Variants in GOLGA4 observed in about 807,000 individuals in gnomAD.
GOLGA4 encodes the protein golgin A4, also known as golgin subfamily A member 4.
Under a neutral mutation model 265.9 loss-of-function variants are expected in GOLGA4, and 169 were observed. The observed-to-expected ratio is 0.64, with a 90% CI of 0.56 to 0.72. The LOEUF (loss-of-function observed/expected upper bound fraction) is 0.72, where lower values mean the gene tolerates loss of function less well. GOLGA4 is among the 30% of genes least tolerant of loss of function. GOLGA4 has a pLI of 0.00. For synonymous variants in GOLGA4, 923 were observed against 855.8 expected, an observed-to-expected ratio of 1.08 and a Z score of -1.37; for missense variants, 2,482 against 2,483.4, an observed-to-expected ratio of 1.00 and a Z score of 0.01.
chr3:37,334,579 A>G (rs2097003229), intron 16 of GOLGA4, among the ~76,000 whole-genome samples: 1 of 152,230 alleles, frequency 6.6e-6, no homozygotes, highest in Admixed American at 6.5e-5. Context: ...AGTGCTCTGT[A>G]TAAAAATACC....
intron 22 of GOLGA4, among the ~76,000 whole-genome samples, chr3:37,357,109 G>A (rs1187095925): frequency 5.3e-5 from 8 of 152,036 alleles, no homozygotes; most frequent in Non-Finnish European, 8.8e-5. Flanking sequence ...TAAAAAAAAA[G>A]AGTCTTTGAA....
chr3:37,266,651 C>T (rs1376410889), intron 2 of GOLGA4, among the ~76,000 whole-genome samples: 2 of 152,080 alleles, frequency 1.3e-5, no homozygotes, highest in African/African-American at 4.8e-5. Flanking sequence ...ATCTCCATTC[C>T]TGATATTTTC....
chr3:37,255,653 A>G lies in GOLGA4; in HGVS notation c.162+4169A>G, dbSNP rs184726181. Among the ~76,000 whole-genome samples the G allele has an allele frequency of 1.1e-3, 170 of 152,280 alleles. 1 individual carries two copies. Among genetic ancestry groups the G allele is most frequent in the African/African-American group, 4.0e-3 (165 of 41,556 alleles). ...ACTTAATGAAACCATTCTACCACCT[A>G]AGCATTCCAGATACGTAGACTTTAC... On this transcript the variant is annotated intron_variant, in intron 2 of 23. Transcript: ENST00000361924.
chr3:37,268,242 C>T (rs1346545972), intron 2 of GOLGA4, among the ~76,000 whole-genome samples: 1 of 151,822 alleles, frequency 6.6e-6, no homozygotes, highest in Non-Finnish European at 1.5e-5. Flanking sequence ...CCACCATGCC[C>T]AGCTCATCTT....
At position 37,340,114 on chromosome 3, in the gene GOLGA4, T is replaced by C. The variant is rs1416261127; in HGVS notation, c.6397-10T>C. ...GAATCTTATATGGTCTGATTATTTG[T>C]TATTTTTAGATTCACAATTTAGAAG... On this transcript the variant is annotated splice_polypyrimidine_tract_variant and intron_variant, in intron 19 of 23. Coordinates refer to ENST00000361924, the MANE Select transcript of GOLGA4 (RefSeq NM_002078.5). 7 of 1,093,902 alleles carry C rather than the reference T, an allele frequency of 6.4e-6. No homozygotes were observed. The highest frequency in any genetic ancestry group is 9.7e-6 in the Non-Finnish European group (7 of 722,652). 67.8% of individuals were successfully genotyped at this position (1,093,902 alleles called of 1,614,324 possible).
chr3:37,274,623 G>T (rs1202775796), intron 2 of GOLGA4, among the ~76,000 whole-genome samples: 1 of 152,012 alleles, frequency 6.6e-6, no homozygotes, highest in Non-Finnish European at 1.5e-5. Flanking sequence ...GAGCCTGGGA[G>T]TGGAGGCTGC....
chr3:37,363,709 A>G (rs1696521054), intron 23 of GOLGA4, among the ~76,000 whole-genome samples: 1 of 152,248 alleles, frequency 6.6e-6, no homozygotes, highest in African/African-American at 2.4e-5. Context: ...AGGAAGTTTA[A>G]TATTAGCTAA....
At position 37,286,198 on chromosome 3, in the gene GOLGA4, C is replaced by T. The variant is rs367574036; in HGVS notation, c.525+137C>T. Reference sequence around the variant, plus strand: ...GTCTCGCTCTGTCGCCCAGGCTGGACTGCGGACTGCAGTGGCGCAATCTCG... The same window carrying T: ...GTCTCGCTCTGTCGCCCAGGCTGGATTGCGGACTGCAGTGGCGCAATCTCG... On this transcript the variant is annotated intron_variant, in intron 4 of 23. Transcript: ENST00000361924. The T allele has an allele frequency of 5.0e-3, 2,284 of 460,138 alleles. 71 individuals are homozygous for T. In the African/African-American group the frequency reaches 0.051, roughly 10 times the overall value. The allele number at this position is 460,138 out of a possible 1,614,324, so 28.5% of individuals were successfully genotyped here. A position where few individuals can be genotyped will look rare whatever the true frequency, so the allele number is the denominator to read the frequency against.
Position 37,272,660 on chromosome 3 carries a change from G to A in GOLGA4, c.163-9298G>A, listed in dbSNP as rs182008599. On this transcript the variant is annotated intron_variant, in intron 2 of 23. Transcript: ENST00000361924. ...GTAGAAAACACGTTTGCAAAACTGA[G>A]CACCTTTTTCACTTAAGAATAAGTT... 1.6e-3 allele frequency among the ~76,000 whole-genome samples: 250 copies of A among 152,310 alleles called. 2 individuals carry two copies. The highest frequency in any genetic ancestry group is 2.8e-3 in the Non-Finnish European group (190 of 68,024).
chr3:37,366,050 C>A lies in GOLGA4; in HGVS notation c.*34-30C>A, dbSNP rs115793854. ...TGTTTTGGATTTTTTTGCCCCCTTT[C>A]TTTATTCTCTTTTCCTTTTTCTTTT... On this transcript the variant is annotated intron_variant, in intron 23 of 23. Transcript: ENST00000361924. The A allele has an allele frequency of 1.9e-3, 2,886 of 1,519,370 alleles. 56 individuals are homozygous for A. The African/African-American group carries it at 0.034, about 18-fold the overall frequency. The allele number at this position is 1,519,370 out of a possible 1,614,324, so 94.1% of individuals were successfully genotyped here. A position where few individuals can be genotyped will look rare whatever the true frequency, so the allele number is the denominator to read the frequency against.
At chr3:37,263,243 T>C (rs1292044213) in intron 2 of GOLGA4, among the ~76,000 whole-genome samples, 1 of 152,234 alleles carries the variant, frequency 6.6e-6, no homozygotes, top group African/African-American at 2.4e-5. Context: ...CCATGTATCC[T>C]AGGTATGTAG....
At chr3:37,270,900 T>C (rs2096796930) in intron 2 of GOLGA4, among the ~76,000 whole-genome samples, 1 of 151,960 alleles carries the variant, frequency 6.6e-6, no homozygotes, top group Non-Finnish European at 1.5e-5. Flanking sequence ...CTCGTGACAA[T>C]GTAGAATCAG....
intron 1 of GOLGA4, among the ~76,000 whole-genome samples, chr3:37,244,546 AT>A (rs1031251569): frequency 1.3e-5 from 2 of 152,180 alleles, no homozygotes; most frequent in African/African-American, 4.8e-5. Context: ...GCCTTTTTGA[AT>A]TTCAACAGAC....
In GOLGA4 at chr3:37,282,002, G is replaced by T. The variant is rs779289088; in HGVS notation, c.207G>T (p.Val69=). 9 of 1,613,932 alleles carry T rather than the reference G, an allele frequency of 5.6e-6. No individual in the cohort carries two copies. Among genetic ancestry groups the T allele is most frequent in the Middle Eastern group, 1.6e-4 (1 of 6,084 alleles). ...QSFAQKLQLR[V]PSVESLFRSP... Reference sequence around the variant, plus strand: ...TTGCACAGAAGCTCCAGCTCCGGGTGCCCTCCGTGGAGTCTTTGTTTCGAA... The same window carrying T: ...TTGCACAGAAGCTCCAGCTCCGGGTTCCCTCCGTGGAGTCTTTGTTTCGAA... The change falls in exon 3 of 24, where the codon GTG becomes GTT. Residue 69 remains valine (V), a synonymous_variant. Coordinates refer to ENST00000361924, the MANE Select transcript of GOLGA4 (RefSeq NM_002078.5).
intron 1 of GOLGA4, among the ~76,000 whole-genome samples, chr3:37,245,616 G>A (rs1299446651): frequency 6.6e-6 from 1 of 152,182 alleles, no homozygotes; most frequent in Non-Finnish European, 1.5e-5. Flanking sequence ...GAGGTTTTTA[G>A]TAATAATAAG....
At chr3:37,310,140 A>G (rs971616469) in intron 10 of GOLGA4, among the ~76,000 whole-genome samples, 1 of 152,236 alleles carries the variant, frequency 6.6e-6, no homozygotes, top group African/African-American at 2.4e-5. Flanking sequence ...AGAGGTTAAC[A>G]GCCTTTTCAC....
intron 10 of GOLGA4, chr3:37,302,753 T>C (rs930887179): frequency 3.1e-5 from 5 of 159,384 alleles, no homozygotes; most frequent in African/African-American, 7.2e-5. Flanking sequence ...TGCTACCTTA[T>C]AGATGCTTTA....
chr3:37,274,275 CTACTT>C (rs1211490960), intron 2 of GOLGA4, among the ~76,000 whole-genome samples: 1 of 151,996 alleles, frequency 6.6e-6, no homozygotes, highest in Non-Finnish European at 1.5e-5. Context: ...AAAGTATTCT[CTACTT>C]TAAAGTGTAT....
chr3:37,246,904 A>G (rs1193402907), intron 1 of GOLGA4, among the ~76,000 whole-genome samples: 1 of 152,182 alleles, frequency 6.6e-6, no homozygotes, highest in Non-Finnish European at 1.5e-5. Flanking sequence ...ATAATAGTTT[A>G]TGTGATATAA....
Sources: allele counts gnomAD v4.1 joint callset (sites outside exome capture counted in the v4.1 genomes callset), GRCh38; gene constraint gnomAD v4.1.1; transcripts MANE v1.5; gene names NCBI Gene and HGNC (gene_info 2026-07-23, HGNC 2026-07-21).